EFCAB11: variants seen among roughly 807,000 people sequenced by gnomAD.
EFCAB11 encodes EF-hand calcium binding domain 11.
In EFCAB11, 14 loss-of-function variants were observed where a neutral mutation model predicts 23.0. That is an observed-to-expected ratio of 0.61 (90% CI 0.40 to 0.95). EFCAB11 has a LOEUF of 0.95. Among genes scored for constraint, EFCAB11 ranks in the 40% least tolerant of loss-of-function variants. EFCAB11 has a pLI of 0.00. For synonymous variants in EFCAB11, 65 were observed against 66.6 expected (o/e 0.98, Z 0.11); for missense variants, 198 against 195.8 (o/e 1.01, Z -0.07).
chr14:89,918,525 C>T (rs183159201), intron 5 of EFCAB11, among the ~76,000 whole-genome samples: 9 of 146,084 alleles, frequency 6.2e-5, no homozygotes, highest in Non-Finnish European at 1.3e-4. Context: ...GGCAACAGAG[C>T]GAGACTCCAT....
rs562338124 is a variant in EFCAB11 at position 89,931,471 on chromosome 14, T to C, written c.410+70A>G. Reference sequence around the variant, plus strand: ...AATCAGAATAAATAAGTTCTTTCCATAAAGTCAAAAACATGTAAAAGCAAA... The same window carrying C: ...AATCAGAATAAATAAGTTCTTTCCACAAAGTCAAAAACATGTAAAAGCAAA... On this transcript the variant is annotated intron_variant, in intron 5 of 5. Coordinates refer to ENST00000316738, the MANE Select transcript of EFCAB11 (RefSeq NM_145231.4). 3.1e-5 allele frequency: 42 copies of C among 1,363,476 alleles called. No homozygotes were observed. The Admixed American group carries it at 8.2e-4, about 27-fold the overall frequency. The allele number at this position is 1,363,476 out of a possible 1,614,324, so 84.5% of individuals were successfully genotyped here. A position where few individuals can be genotyped will look rare whatever the true frequency, so the allele number is the denominator to read the frequency against.
At chr14:89,810,691 G>C (rs1886122038) in intron 5 of EFCAB11, among the ~76,000 whole-genome samples, 1 of 151,502 alleles carries the variant, frequency 6.6e-6, no homozygotes, top group African/African-American at 2.4e-5. Context: ...GACAGGCAAA[G>C]GTTGCAGTGA....
intron 5 of EFCAB11, among the ~76,000 whole-genome samples, chr14:89,855,336 C>T (rs1338390467): frequency 6.6e-6 from 1 of 151,822 alleles, no homozygotes; most frequent in Non-Finnish European, 1.5e-5. Flanking sequence ...ATTAGCTGGG[C>T]AGGGTGGTGT....
At chr14:89,923,619 T>C (rs1300392691) in intron 5 of EFCAB11, 9 of 904,346 alleles carry the variant, frequency 1.0e-5, no homozygotes, top group South Asian at 5.1e-5. Flanking sequence ...GAATGAAATA[T>C]GATTTGTAGG....
chr14:89,845,496 C>T (rs1001703104), intron 5 of EFCAB11, among the ~76,000 whole-genome samples: 1 of 152,188 alleles, frequency 6.6e-6, no homozygotes, highest in Non-Finnish European at 1.5e-5. Context: ...GCACAGCAAC[C>T]TCCTTGCACT....
At chr14:89,843,771 A>G (rs1332319166) in intron 5 of EFCAB11, among the ~76,000 whole-genome samples, 3 of 152,228 alleles carry the variant, frequency 2.0e-5, no homozygotes, top group Non-Finnish European at 4.4e-5. Context: ...ATGTTTATTC[A>G]CTGACTTAAA....
intron 5 of EFCAB11, among the ~76,000 whole-genome samples, chr14:89,917,464 T>C (rs957690816): frequency 2.0e-4 from 30 of 152,224 alleles, no homozygotes; most frequent in South Asian, 2.1e-4. Context: ...TGTACACACA[T>C]ACCACAATTT....
intron 2 of EFCAB11, chr14:89,952,443 C>T: frequency 9.1e-6 from 9 of 985,410 alleles, no homozygotes; most frequent in Non-Finnish European, 1.1e-5. Context: ...CTCTTTTCAG[C>T]TGACCTGCTT....
intron 5 of EFCAB11, among the ~76,000 whole-genome samples, chr14:89,827,796 G>A (rs1158707424): frequency 5.9e-5 from 9 of 151,892 alleles, no homozygotes; most frequent in Admixed American, 1.3e-4. Context: ...ACCATGCCCC[G>A]CTAATTTTGT....
intron 5 of EFCAB11, among the ~76,000 whole-genome samples, chr14:89,798,984 T>C (rs1360053661): frequency 6.6e-6 from 1 of 152,166 alleles, no homozygotes; most frequent in African/African-American, 2.4e-5. Context: ...AGATGGGGTT[T>C]CACTATGTTG....
At chr14:89,866,100 A>C (rs938900214) in intron 5 of EFCAB11, among the ~76,000 whole-genome samples, 1 of 152,086 alleles carries the variant, frequency 6.6e-6, no homozygotes, top group Non-Finnish European at 1.5e-5. Context: ...AAATTTTTAA[A>C]TATCCTGCAA....
chr14:89,908,584 CTTA>C (rs764364606), intron 5 of EFCAB11, among the ~76,000 whole-genome samples: 4 of 152,036 alleles, frequency 2.6e-5, no homozygotes, highest in Non-Finnish European at 5.9e-5. Context: ...GGGTCCCATT[CTTA>C]TGTTATCTCA....
intron 5 of EFCAB11, among the ~76,000 whole-genome samples, chr14:89,892,895 C>CTTT (rs1250070437): frequency 6.6e-6 from 1 of 151,900 alleles, no homozygotes; most frequent in African/African-American, 2.4e-5. Flanking sequence ...GAGTGAGACT[C>CTTT]TGTTTCAAAA....
At chr14:89,842,627 G>GAT (rs1046127335) in intron 5 of EFCAB11, among the ~76,000 whole-genome samples, 6 of 124,682 alleles carry the variant, frequency 4.8e-5, no homozygotes, top group East Asian at 2.6e-4. Flanking sequence ...GATATGATAT[G>GAT]ATATGATATG....
At chr14:89,850,417 C>T (rs1287384456) in intron 5 of EFCAB11, among the ~76,000 whole-genome samples, 1 of 152,178 alleles carries the variant, frequency 6.6e-6, no homozygotes, top group African/African-American at 2.4e-5. Context: ...TTGTTAGATG[C>T]TAATTTTAGG....
intron 5 of EFCAB11, among the ~76,000 whole-genome samples, chr14:89,816,353 A>G (rs963886996): frequency 7.9e-5 from 12 of 152,186 alleles, no homozygotes; most frequent in African/African-American, 2.9e-4. Flanking sequence ...TCCTTTAGGA[A>G]CATGACAAAG....
At chr14:89,856,599 T>A (rs1224091783) in intron 5 of EFCAB11, among the ~76,000 whole-genome samples, 1 of 152,210 alleles carries the variant, frequency 6.6e-6, no homozygotes, top group African/African-American at 2.4e-5. Flanking sequence ...ATATTGGTTA[T>A]CTTTTAACTT....
At chr14:89,942,134 G>A (rs2139830523) in intron 3 of EFCAB11, among the ~76,000 whole-genome samples, 1 of 152,274 alleles carries the variant, frequency 6.6e-6, no homozygotes, top group East Asian at 1.9e-4. Context: ...GGCCTCCCCA[G>A]TCATGCTTCC....
At chr14:89,859,469 G>A (rs1887855153) in intron 5 of EFCAB11, among the ~76,000 whole-genome samples, 1 of 152,186 alleles carries the variant, frequency 6.6e-6, no homozygotes, top group South Asian at 2.1e-4. Flanking sequence ...ACCTGTGGCG[G>A]AATTTTACAG....
Sources: allele counts gnomAD v4.1 joint callset (sites outside exome capture counted in the v4.1 genomes callset), GRCh38; gene constraint gnomAD v4.1.1; transcripts MANE v1.5; gene names NCBI Gene and HGNC (gene_info 2026-07-23, HGNC 2026-07-21).